The following KCNH7 variants were observed in gnomAD, a reference collection of about 807,000 sequenced individuals.
KCNH7 encodes the protein voltage-gated inwardly rectifying potassium channel KCNH7.
In KCNH7, 49 loss-of-function variants were observed where a neutral mutation model predicts 120.8. That is an observed-to-expected ratio of 0.41 (90% CI 0.32 to 0.51). The LOEUF (loss-of-function observed/expected upper bound fraction) is 0.51. KCNH7 is among the 20% of genes least tolerant of loss of function. The pLI, the probability that KCNH7 is intolerant of heterozygous loss-of-function variation, is 0.38. For synonymous variants in KCNH7, 547 were observed against 516.1 expected (o/e 1.06, Z -0.81); for missense variants, 1,097 against 1,446.6 (o/e 0.76, Z 3.92).
chr2:162,788,566 T>C (rs1425537950), intron 2 of KCNH7, among the ~76,000 whole-genome samples: 1 of 151,856 alleles, frequency 6.6e-6, no homozygotes, highest in Non-Finnish European at 1.5e-5. Context: ...AATGACCTAA[T>C]TGGAGAAACA....
intron 2 of KCNH7, among the ~76,000 whole-genome samples, chr2:162,655,999 A>T (rs1684749002): frequency 6.6e-6 from 1 of 152,326 alleles, no homozygotes; most frequent in African/African-American, 2.4e-5. Context: ...AATACATTTT[A>T]AAAAGATACA....
chr2:162,808,750 T>C (rs1277330620), intron 2 of KCNH7, among the ~76,000 whole-genome samples: 1 of 151,602 alleles, frequency 6.6e-6, no homozygotes, highest in Non-Finnish European at 1.5e-5. Flanking sequence ...TATATATACA[T>C]ATAATAAAAG....
chr2:162,807,306 G>A (rs946991820), intron 2 of KCNH7, among the ~76,000 whole-genome samples: 4 of 147,990 alleles, frequency 2.7e-5, no homozygotes, highest in African/African-American at 5.0e-5. Flanking sequence ...GTGTGGTGCT[G>A]TGCAACTGTA....
At chr2:162,429,118 G>A (rs1041855804) in intron 8 of KCNH7, among the ~76,000 whole-genome samples, 1 of 151,334 alleles carries the variant, frequency 6.6e-6, no homozygotes, top group Non-Finnish European at 1.5e-5. Flanking sequence ...TGTCTTTCCT[G>A]TTGGCTTGTT....
intron 14 of KCNH7, among the ~76,000 whole-genome samples, chr2:162,375,243 A>G (rs1023311949): frequency 3.3e-5 from 5 of 152,220 alleles, no homozygotes; most frequent in Admixed American, 6.5e-5. Flanking sequence ...ATTGAATGTA[A>G]AAGGATTTGG....
intron 2 of KCNH7, among the ~76,000 whole-genome samples, chr2:162,811,642 C>T (rs1370838829): frequency 6.6e-6 from 1 of 152,022 alleles, no homozygotes; most frequent in Admixed American, 6.6e-5. Context: ...AGTTTATAAA[C>T]TAGATAGAAA....
intron 2 of KCNH7, among the ~76,000 whole-genome samples, chr2:162,757,383 T>G (rs931599630): frequency 6.6e-6 from 1 of 152,152 alleles, no homozygotes; most frequent in Non-Finnish European, 1.5e-5. Flanking sequence ...CCTCCATTAG[T>G]CTATTTAATG....
At chr2:162,661,475 G>C (rs955317515) in intron 2 of KCNH7, among the ~76,000 whole-genome samples, 1 of 152,104 alleles carries the variant, frequency 6.6e-6, no homozygotes, top group Non-Finnish European at 1.5e-5. Context: ...TTTTGAGAGC[G>C]TTATTTATAT....
chr2:162,372,361 T>A (rs1318517442), intron 15 of KCNH7, among the ~76,000 whole-genome samples: 1 of 152,132 alleles, frequency 6.6e-6, no homozygotes, highest in African/African-American at 2.4e-5. Context: ...TATATTATTT[T>A]ACATTGAGTT....
intron 8 of KCNH7, among the ~76,000 whole-genome samples, chr2:162,429,383 C>CTT (rs60854157): frequency 0.41 from 34,752 of 85,206 alleles, 8,859 homozygotes; most frequent in Non-Finnish European, 0.51. Flanking sequence ...AGGAAAAAGT[C>CTT]TTTTTTTTTT....
At chr2:162,638,778 G>A (rs1338289420) in intron 2 of KCNH7, among the ~76,000 whole-genome samples, 1 of 152,064 alleles carries the variant, frequency 6.6e-6, no homozygotes, top group African/African-American at 2.4e-5. Flanking sequence ...ACCAGACTAA[G>A]GGCAGTTCTA....
At chr2:162,559,848 C>T (rs1446209711) in intron 2 of KCNH7, among the ~76,000 whole-genome samples, 1 of 152,088 alleles carries the variant, frequency 6.6e-6, no homozygotes, top group African/African-American at 2.4e-5. Context: ...GTATGTTTGT[C>T]ACAAATATTT....
rs1427030859 is a variant in KCNH7, at chr2:162,778,215, T to C, written c.307+58322A>G. Among the ~76,000 whole-genome samples the C allele has an allele frequency of 7.9e-5, 12 of 152,168 alleles. No homozygotes were observed. The South Asian group carries it at 2.3e-3, about 29-fold the overall frequency. ...AGAACTAATCTCAGTGCTCTATATA[T>C]ACATTTTTTCATTTCATCTTTGTTA... On this transcript the variant is annotated intron_variant, in intron 2 of 15. Coordinates refer to ENST00000332142, the MANE Select transcript of KCNH7 (RefSeq NM_033272.4).
At chr2:162,608,967 C>T (rs764819991) in intron 2 of KCNH7, among the ~76,000 whole-genome samples, 5 of 152,148 alleles carry the variant, frequency 3.3e-5, no homozygotes, top group Non-Finnish European at 7.4e-5. Context: ...CTTTGAATAA[C>T]ACTTATAATA....
At chr2:162,765,023 A>C (rs1468820308) in intron 2 of KCNH7, among the ~76,000 whole-genome samples, 2 of 152,168 alleles carry the variant, frequency 1.3e-5, no homozygotes, top group African/African-American at 2.4e-5. Flanking sequence ...GCTGACATGA[A>C]TATCTACACT....
intron 2 of KCNH7, among the ~76,000 whole-genome samples, chr2:162,568,637 G>T (rs1693344746): frequency 1.3e-5 from 2 of 151,798 alleles, no homozygotes; most frequent in African/African-American, 2.4e-5. Flanking sequence ...GCAGCCAATG[G>T]TATTTATGAA....
intron 2 of KCNH7, among the ~76,000 whole-genome samples, chr2:162,636,383 A>G (rs1574201680): frequency 6.6e-6 from 1 of 152,146 alleles, no homozygotes; most frequent in Admixed American, 6.6e-5. Flanking sequence ...AAGTGCTGTC[A>G]ACCAGAGAGC....
chr2:162,558,947 CG>C (rs1163070943), intron 2 of KCNH7, among the ~76,000 whole-genome samples: 22 of 146,268 alleles, frequency 1.5e-4, no homozygotes, highest in African/African-American at 5.6e-4. Flanking sequence ...CCCAGCTACT[CG>C]GGAGGCTGAG....
rs1685950056 is a variant in KCNH7 at position 162,371,615 on chromosome 2, A to T, written c.*214T>A. On this transcript the variant is annotated 3_prime_UTR_variant, in exon 16 of 16. Transcript: ENST00000332142. ...AAATAAGGTGCCGTGAGATGCTGGC[A>T]GTTTTAACATTTGGAACCAAAAGTT... 1.2e-6 allele frequency: 1 copy of T among 808,146 alleles called. No homozygotes were observed. The highest frequency in any genetic ancestry group is 2.4e-5 in the South Asian group (1 of 41,358). 50.1% of individuals were successfully genotyped at this position (808,146 alleles called of 1,614,324 possible). A position where few individuals can be genotyped will look rare whatever the true frequency, so the allele number is the denominator to read the frequency against.
Sources: allele counts gnomAD v4.1 joint callset (sites outside exome capture counted in the v4.1 genomes callset), GRCh38; gene constraint gnomAD v4.1.1; transcripts MANE v1.5; gene names NCBI Gene and HGNC (gene_info 2026-07-23, HGNC 2026-07-21).